The following UIMC1 variants were observed in gnomAD, a reference collection of about 807,000 sequenced individuals.
The protein encoded by UIMC1 is BRCA1-A complex subunit RAP80.
UIMC1 carries 42 observed loss-of-function variants against 84.9 expected under a neutral mutation model. The ratio of observed to expected loss-of-function variants is 0.49; its 90% CI spans 0.39 to 0.64. The LOEUF (loss-of-function observed/expected upper bound fraction) is 0.64. UIMC1 is among the 30% of genes least tolerant of loss of function. UIMC1 has a pLI of 0.00. For missense variants in UIMC1, 825 were observed against 847.6 expected (o/e 0.97, Z 0.33); for synonymous variants, 281 against 293.0 (o/e 0.96, Z 0.42).
At chr5:176,942,640 G>A (rs958837469) in intron 10 of UIMC1, among the ~76,000 whole-genome samples, 6 of 151,868 alleles carry the variant, frequency 4.0e-5, no homozygotes, top group Admixed American at 3.9e-4. Context: ...CAGCTACTCG[G>A]GAGGCTGAGG....
At chr5:176,954,166 A>T (rs148213178) in intron 8 of UIMC1, among the ~76,000 whole-genome samples, 1 of 152,302 alleles carries the variant, frequency 6.6e-6, no homozygotes, top group East Asian at 1.9e-4. Flanking sequence ...TTTCCCTCTC[A>T]TTAACTAGGC....
chr5:176,914,069 T>TACCATACCATACCAC (rs1343483368), intron 10 of UIMC1, among the ~76,000 whole-genome samples: 4 of 144,418 alleles, frequency 2.8e-5, no homozygotes, highest in African/African-American at 8.6e-5. Flanking sequence ...TACCATACCA[T>TACCATACCATACCAC]ACCACACCAC....
At chr5:176,914,403 C>T (rs1267112329) in intron 10 of UIMC1, among the ~76,000 whole-genome samples, 1 of 152,170 alleles carries the variant, frequency 6.6e-6, no homozygotes, top group African/African-American at 2.4e-5. Context: ...ACCAGAGAAG[C>T]CTGTCTTCTC....
chr5:176,925,797 C>T (rs1762321753), intron 10 of UIMC1, among the ~76,000 whole-genome samples: 1 of 152,052 alleles, frequency 6.6e-6, no homozygotes, highest in Non-Finnish European at 1.5e-5. Flanking sequence ...GGGAATCTTC[C>T]AGGGTGATAT....
chr5:176,975,005 T>C (rs1187949424), intron 3 of UIMC1, among the ~76,000 whole-genome samples: 2 of 151,556 alleles, frequency 1.3e-5, no homozygotes, highest in Admixed American at 6.6e-5. Flanking sequence ...AAATTAAAAT[T>C]AGCCAGGCGT....
At chr5:176,995,797 C>T (rs1773519875) in intron 1 of UIMC1, among the ~76,000 whole-genome samples, 1 of 133,940 alleles carries the variant, frequency 7.5e-6, no homozygotes, top group Admixed American at 8.5e-5. Flanking sequence ...GAGCCGAGAT[C>T]ATGCCATTGC....
At chr5:176,935,410 C>T (rs1270454670) in intron 10 of UIMC1, among the ~76,000 whole-genome samples, 1 of 152,126 alleles carries the variant, frequency 6.6e-6, no homozygotes, top group Non-Finnish European at 1.5e-5. Flanking sequence ...TAGTTCTGAC[C>T]TTGCATTACA....
intron 10 of UIMC1, among the ~76,000 whole-genome samples, chr5:176,918,439 G>A (rs1761294457): frequency 6.6e-6 from 1 of 152,166 alleles, no homozygotes; most frequent in Admixed American, 6.5e-5. Context: ...CCCACCAAAT[G>A]TTATAAGTCA....
chr5:176,976,737 A>T (rs899325647), intron 2 of UIMC1, among the ~76,000 whole-genome samples: 1 of 152,278 alleles, frequency 6.6e-6, no homozygotes, highest in African/African-American at 2.4e-5. Flanking sequence ...AAATCCATAT[A>T]GAAAGTAGAT....
intron 10 of UIMC1, among the ~76,000 whole-genome samples, chr5:176,920,034 T>G (rs1375569474): frequency 6.6e-6 from 1 of 152,182 alleles, no homozygotes; most frequent in Non-Finnish European, 1.5e-5. Context: ...CTTGTTTGTT[T>G]TTTTGAGAAG....
At chr5:176,951,354 G>T in intron 9 of UIMC1, 120 bp downstream of exon 9, 2 of 609,146 alleles carry the variant, frequency 3.3e-6, no homozygotes, top group South Asian at 4.2e-5. Context: ...TAACATAAGG[G>T]CCCCCAAAAC....
At chr5:176,925,978 A>C (rs1047802368) in intron 10 of UIMC1, among the ~76,000 whole-genome samples, 10 of 152,174 alleles carry the variant, frequency 6.6e-5, no homozygotes, top group Non-Finnish European at 1.5e-4. Context: ...CAAAAACATA[A>C]CATGGATTAA....
At chr5:176,938,293 C>T (rs1385290596) in intron 10 of UIMC1, among the ~76,000 whole-genome samples, 2 of 150,904 alleles carry the variant, frequency 1.3e-5, no homozygotes, top group Non-Finnish European at 2.9e-5. Flanking sequence ...AGGTTGGGAG[C>T]CTGGCCTCTG....
intron 8 of UIMC1, among the ~76,000 whole-genome samples, chr5:176,952,458 T>G (rs1226440374): frequency 1.3e-5 from 2 of 152,194 alleles, no homozygotes; most frequent in Non-Finnish European, 2.9e-5. Flanking sequence ...TAGATACAGC[T>G]CATGGGCCAA....
At chr5:176,986,741 C>A (rs1225606984) in intron 1 of UIMC1, among the ~76,000 whole-genome samples, 4 of 151,918 alleles carry the variant, frequency 2.6e-5, no homozygotes, top group African/African-American at 9.7e-5. Flanking sequence ...GCAGCCTGGG[C>A]AACAGGGCAT....
At chr5:177,019,049 ATCCT>A (rs1775733881) in intron 1 of UIMC1, among the ~76,000 whole-genome samples, 2 of 152,212 alleles carry the variant, frequency 1.3e-5, no homozygotes, top group Non-Finnish European at 2.9e-5. Context: ...GTTTGTGACC[ATCCT>A]GGCTAACATA....
intron 1 of UIMC1, among the ~76,000 whole-genome samples, chr5:176,994,690 A>G (rs115093659): frequency 0.016 from 2,427 of 152,170 alleles, 24 homozygotes; most frequent in Non-Finnish European, 0.025. Flanking sequence ...ACTTTTATAC[A>G]CACTTCTGAA....
chr5:177,011,614 A>C (rs907319699), upstream of UIMC1, among the ~76,000 whole-genome samples: 1 of 151,734 alleles, frequency 6.6e-6, no homozygotes, highest in African/African-American at 2.4e-5. Flanking sequence ...AATAATAATA[A>C]ACTCTTAGAA....
At chr5:176,918,654 C>T (rs1263016735) in intron 10 of UIMC1, among the ~76,000 whole-genome samples, 2 of 152,206 alleles carry the variant, frequency 1.3e-5, no homozygotes, top group Non-Finnish European at 2.9e-5. Context: ...AATGTTCTTA[C>T]ACCAATCACC....
Sources: gnomAD v4.1 joint callset for allele counts (sites outside exome capture counted in the v4.1 genomes callset) on GRCh38, gnomAD v4.1.1 for gene constraint, MANE v1.5 for transcripts, NCBI Gene and HGNC (gene_info 2026-07-23, HGNC 2026-07-21) for gene names.